Variants in SYN3 observed in about 807,000 individuals in gnomAD.
SYN3 encodes the protein synapsin-3.
A neutral mutation model predicts 65.8 loss-of-function variants in SYN3; 35 were observed. That is an observed-to-expected ratio of 0.53 (90% CI 0.41 to 0.70). The LOEUF is 0.70. SYN3 is among the 30% of genes least tolerant of loss of function. The pLI, the probability that SYN3 is intolerant of heterozygous loss-of-function variation, is 0.00. For synonymous variants in SYN3, 270 were observed against 292.9 expected, an observed-to-expected ratio of 0.92 and a Z score of 0.80; for missense variants, 680 against 749.0, an observed-to-expected ratio of 0.91 and a Z score of 1.08.
At chr22:32,743,171 G>T (rs1212579539) in intron 6 of SYN3, among the ~76,000 whole-genome samples, 1 of 152,188 alleles carries the variant, frequency 6.6e-6, no homozygotes, top group East Asian at 1.9e-4. Context: ...GAGTATAAAT[G>T]TATGATTCAT....
At chr22:32,984,474 C>G (rs2052467046) in intron 2 of SYN3, among the ~76,000 whole-genome samples, 1 of 152,200 alleles carries the variant, frequency 6.6e-6, no homozygotes, top group South Asian at 2.1e-4. Flanking sequence ...CTTCCCCTCC[C>G]CAAATGGTTG....
intron 12 of SYN3, among the ~76,000 whole-genome samples, chr22:32,525,023 A>T (rs905413618): frequency 3.3e-5 from 5 of 152,184 alleles, no homozygotes; most frequent in African/African-American, 7.2e-5. Flanking sequence ...TCAAAAAAAA[A>T]ATTTTTTTCA....
chr22:32,932,712 C>A (rs2050666528), intron 3 of SYN3, among the ~76,000 whole-genome samples: 1 of 152,176 alleles, frequency 6.6e-6, no homozygotes, highest in African/African-American at 2.4e-5. Flanking sequence ...GAATACATCC[C>A]TCTTACCAGA....
chr22:32,933,983 C>A (rs955033089), intron 3 of SYN3, among the ~76,000 whole-genome samples: 1 of 152,154 alleles, frequency 6.6e-6, no homozygotes, highest in Non-Finnish European at 1.5e-5. Flanking sequence ...GGAGTACTTA[C>A]GCCTCTTGCT....
At chr22:32,857,950 G>A in intron 6 of SYN3, 6 of 1,612,598 alleles carry the variant, frequency 3.7e-6, no homozygotes, top group Non-Finnish European at 5.1e-6. Flanking sequence ...CATAGTAGGT[G>A]TGAATTCTCT....
At chr22:32,609,920 A>G (rs1601751330) in intron 6 of SYN3, among the ~76,000 whole-genome samples, 2 of 152,196 alleles carry the variant, frequency 1.3e-5, no homozygotes, top group South Asian at 4.1e-4. Flanking sequence ...TTACAACTTT[A>G]TTGAGATACA....
chr22:32,534,201 C>G (rs1471431673), intron 9 of SYN3, among the ~76,000 whole-genome samples: 1 of 152,078 alleles, frequency 6.6e-6, no homozygotes. Flanking sequence ...GAGAAGGAAC[C>G]AGAGTTGGGA....
At chr22:32,935,745 C>T (rs2050759497) in intron 3 of SYN3, among the ~76,000 whole-genome samples, 1 of 152,188 alleles carries the variant, frequency 6.6e-6, no homozygotes, top group South Asian at 2.1e-4. Context: ...AGCCACTGTG[C>T]CCAGCTGGTG....
chr22:32,520,795 C>T (rs1298181936), intron 12 of SYN3, among the ~76,000 whole-genome samples: 1 of 152,128 alleles, frequency 6.6e-6, no homozygotes, highest in Non-Finnish European at 1.5e-5. Flanking sequence ...GTGGCCCTGA[C>T]TCCACACTGG....
chr22:32,891,267 C>T lies in SYN3; in HGVS notation c.462-22142G>A, dbSNP rs560691704. On this transcript the variant is annotated intron_variant, in intron 4 of 13. Transcript: ENST00000358763. ...CTCAGAAGCTTCCTGGAGGCCACTT[C>T]TCCAGTCCTTTTGATGACATTCTCG... Among the ~76,000 whole-genome samples the T allele has an allele frequency of 3.3e-5, 5 of 152,290 alleles. No individual in the cohort carries two copies. In the East Asian group the frequency reaches 9.6e-4, roughly 29 times the overall value.
At chr22:32,697,294 G>A (rs2060749912) in intron 6 of SYN3, among the ~76,000 whole-genome samples, 1 of 152,222 alleles carries the variant, frequency 6.6e-6, no homozygotes, top group South Asian at 2.1e-4. Context: ...ATGATCACTG[G>A]AATCCAACAG....
At chr22:32,859,021 G>T (rs2048458282) in intron 6 of SYN3, 1 of 713,506 alleles carries the variant, frequency 1.4e-6, no homozygotes, top group Non-Finnish European at 2.6e-6. Flanking sequence ...TTAGACAGCA[G>T]ATGCTCAAGC....
At chr22:32,921,780 A>T (rs529247767) in intron 4 of SYN3, among the ~76,000 whole-genome samples, 6 of 152,282 alleles carry the variant, frequency 3.9e-5, no homozygotes, top group Non-Finnish European at 8.8e-5. Flanking sequence ...ACATTATACT[A>T]ACTCATGTAA....
At chr22:33,046,257 G>A (rs1447104553) in intron 1 of SYN3, among the ~76,000 whole-genome samples, 1 of 152,162 alleles carries the variant, frequency 6.6e-6, no homozygotes, top group African/African-American at 2.4e-5. Flanking sequence ...AAATGACATG[G>A]CCACTCTAGA....
At chr22:32,695,569 C>T (rs529975211) in intron 6 of SYN3, among the ~76,000 whole-genome samples, 1 of 152,274 alleles carries the variant, frequency 6.6e-6, no homozygotes, top group East Asian at 1.9e-4. Context: ...GTGTGGGTCA[C>T]CAGAAAGCCC....
intron 6 of SYN3, among the ~76,000 whole-genome samples, chr22:32,600,089 T>G (rs1382520082): frequency 1.3e-5 from 2 of 152,134 alleles, no homozygotes; most frequent in African/African-American, 4.8e-5. Flanking sequence ...GCATTTTATT[T>G]CTATTATTAT....
At chr22:32,595,841 C>T (rs2059190946) in intron 7 of SYN3, among the ~76,000 whole-genome samples, 2 of 152,192 alleles carry the variant, frequency 1.3e-5, no homozygotes, top group African/African-American at 4.8e-5. Context: ...CTGTGGGAGG[C>T]CATGACGGGT....
chr22:32,997,822 C>T (rs1363002784), intron 2 of SYN3, among the ~76,000 whole-genome samples: 3 of 151,930 alleles, frequency 2.0e-5, no homozygotes, highest in Non-Finnish European at 4.4e-5. Flanking sequence ...GTCAGGAGAT[C>T]GAGACCATCC....
chr22:32,532,597 C>T (rs1489607343), intron 10 of SYN3, among the ~76,000 whole-genome samples: 1 of 30,540 alleles, frequency 3.3e-5, no homozygotes, highest in Non-Finnish European at 5.5e-5. Context: ...GGGCTGTGTT[C>T]ATCCTGGACT....
Sources: gnomAD v4.1 joint callset for allele counts (sites outside exome capture counted in the v4.1 genomes callset) on GRCh38, gnomAD v4.1.1 for gene constraint, MANE v1.5 for transcripts, NCBI Gene and HGNC (gene_info 2026-07-23, HGNC 2026-07-21) for gene names.